Variants in AOPEP observed in about 807,000 individuals in gnomAD.
The protein encoded by AOPEP is aminopeptidase O (putative), also known as aminopeptidase O.
In AOPEP, 77 loss-of-function variants were observed where a neutral mutation model predicts 98.1. That is an observed-to-expected ratio of 0.78 (90% CI 0.65 to 0.95). The LOEUF (loss-of-function observed/expected upper bound fraction) is 0.95. AOPEP is among the 40% of genes least tolerant of loss of function. The probability of loss-of-function intolerance (pLI) is 0.00; values close to 1 mark genes in which losing one functional copy is unlikely to be tolerated. For missense variants in AOPEP, 1,024 were observed against 1,024.7 expected (o/e 1.00, Z 0.01); for synonymous variants, 346 against 365.3 (o/e 0.95, Z 0.60).
chr9:94,966,548 G>A (rs1017156416), intron 9 of AOPEP, among the ~76,000 whole-genome samples: 2 of 152,170 alleles, frequency 1.3e-5, no homozygotes, highest in African/African-American at 4.8e-5. Context: ...GATCTTACTT[G>A]TTACTCATTA....
the AOPEP span, among the ~76,000 whole-genome samples, chr9:95,109,327 A>G: frequency 6.6e-6 from 1 of 152,132 alleles, no homozygotes; most frequent in Non-Finnish European, 1.5e-5. Flanking sequence ...CCATTGTTGT[A>G]TTTATGAACA....
intron 5 of AOPEP, among the ~76,000 whole-genome samples, chr9:94,827,370 G>C (rs77619742): frequency 0.027 from 4,141 of 152,210 alleles, 181 homozygotes; most frequent in African/African-American, 0.094. Context: ...TGAAAATCTT[G>C]GTCTTTGAGC....
At position 94,891,503 on chromosome 9, in the gene AOPEP, T is replaced by C. The variant is rs533247540; in HGVS notation, c.1365-32483T>C. On this transcript the variant is annotated intron_variant, in intron 5 of 16. Coordinates refer to ENST00000375315, the MANE Select transcript of AOPEP (RefSeq NM_001193329.3). ...TCTTTTATCTTGCTTTTCATTTTGATTTTTTTAGCATATTGCATTTTACAG... is the reference window on the plus strand; with the variant it reads ...TCTTTTATCTTGCTTTTCATTTTGACTTTTTTAGCATATTGCATTTTACAG... Among the ~76,000 whole-genome samples the C allele has an allele frequency of 3.9e-5, 6 of 152,296 alleles. No homozygotes were observed. In the East Asian group the frequency reaches 1.2e-3, roughly 29 times the overall value.
At chr9:94,951,490 A>G (rs1048168066) in intron 7 of AOPEP, among the ~76,000 whole-genome samples, 4 of 152,144 alleles carry the variant, frequency 2.6e-5, no homozygotes, top group Non-Finnish European at 4.4e-5. Flanking sequence ...CATAAACAGG[A>G]TGTGGCCTCA....
intron 5 of AOPEP, among the ~76,000 whole-genome samples, chr9:94,868,343 A>ATC (rs1433485082): frequency 6.6e-6 from 1 of 152,136 alleles, no homozygotes; most frequent in Non-Finnish European, 1.5e-5. Context: ...AAATCACTTG[A>ATC]TCTCAAGGAC....
intron 1 of AOPEP, among the ~76,000 whole-genome samples, chr9:94,748,743 C>G (rs1170200627): frequency 1.3e-5 from 2 of 152,128 alleles, no homozygotes; most frequent in Non-Finnish European, 2.9e-5. Flanking sequence ...TTGAAGAGTA[C>G]TGGTTAGGTA....
chr9:94,834,752 C>T (rs538570636), intron 5 of AOPEP, among the ~76,000 whole-genome samples: 2 of 152,238 alleles, frequency 1.3e-5, no homozygotes, highest in African/African-American at 4.8e-5. Context: ...GAGATTGCAC[C>T]ATTGCACTTC....
downstream of AOPEP, among the ~76,000 whole-genome samples, chr9:95,089,305 G>A (rs1034916328): frequency 2.0e-5 from 3 of 152,222 alleles, no homozygotes; most frequent in South Asian, 6.2e-4. Context: ...CAGATCAAAG[G>A]GCGTGTGACA....
intron 9 of AOPEP, among the ~76,000 whole-genome samples, chr9:94,957,877 CTTTT>C (rs113256330): frequency 0.029 from 4,353 of 152,158 alleles, 228 homozygotes; most frequent in African/African-American, 0.1. Flanking sequence ...GTACTTCATT[CTTTT>C]TTATTTTAAT....
chr9:94,870,638 C>G (rs1404539253), intron 5 of AOPEP, among the ~76,000 whole-genome samples: 1 of 152,158 alleles, frequency 6.6e-6, no homozygotes, highest in Non-Finnish European at 1.5e-5. Flanking sequence ...AGTGAGCCAG[C>G]CTTGTCTCAG....
intron 6 of AOPEP, 74 bp downstream of exon 6, chr9:94,924,249 G>A (rs925140002): frequency 6.5e-6 from 8 of 1,234,708 alleles, no homozygotes; most frequent in African/African-American, 6.3e-5. Context: ...TCACCCAACA[G>A]CTATGGACTG....
At chr9:94,997,792 C>T (rs1477775642) in intron 11 of AOPEP, among the ~76,000 whole-genome samples, 1 of 152,180 alleles carries the variant, frequency 6.6e-6, no homozygotes, top group Non-Finnish European at 1.5e-5. Flanking sequence ...CTCCAGGGCT[C>T]AAGCGATACT....
the AOPEP span, chr9:95,101,479 C>T: frequency 1.7e-6 from 1 of 595,710 alleles, no homozygotes; most frequent in African/African-American, 1.8e-5. Flanking sequence ...GTACCGAAGG[C>T]TCACTTGAGT....
At chr9:94,836,827 G>T (rs950948010) in intron 5 of AOPEP, among the ~76,000 whole-genome samples, 1 of 152,150 alleles carries the variant, frequency 6.6e-6, no homozygotes, top group East Asian at 1.9e-4. Flanking sequence ...TGTTACAGTT[G>T]TATGCTTTAT....
At chr9:94,897,292 T>C (rs946922787) in intron 5 of AOPEP, among the ~76,000 whole-genome samples, 15 of 152,298 alleles carry the variant, frequency 9.8e-5, no homozygotes, top group African/African-American at 2.9e-4. Flanking sequence ...CAGATTTTTT[T>C]ATATGATGAA....
At chr9:95,083,641 A>C (rs1260092961) in intron 16 of AOPEP, among the ~76,000 whole-genome samples, 1 of 140,438 alleles carries the variant, frequency 7.1e-6, no homozygotes, top group Admixed American at 7.1e-5. Context: ...CACACACACC[A>C]CACACAGCGC....
rs71366270 is a variant in AOPEP, at chr9:95,011,211, A to AT, written c.2115+5618dup. On this transcript the variant is annotated intron_variant, in intron 13 of 16. Coordinates refer to ENST00000375315, the MANE Select transcript of AOPEP (RefSeq NM_001193329.3). ...TTTTTCCTAATTTCCCTAGCCATTG[A>AT]TTTTTTTTTTTTTTTTTTTTTTTGA... 2.4e-3 allele frequency among the ~76,000 whole-genome samples: 272 copies of AT among 112,770 alleles called. 3 individuals are homozygous for AT. The highest frequency in any genetic ancestry group is 4.2e-3 in the Non-Finnish European group (219 of 52,714). 74.0% of individuals were successfully genotyped at this position (112,770 alleles called of 152,430 possible).
chr9:94,754,541 G>GT (rs1375126481), intron 1 of AOPEP, among the ~76,000 whole-genome samples: 1 of 152,212 alleles, frequency 6.6e-6, no homozygotes, highest in African/African-American at 2.4e-5. Flanking sequence ...GGAGATGTTA[G>GT]TTAAGCAATA....
chr9:95,038,911 A>T (rs2065054612), intron 13 of AOPEP, among the ~76,000 whole-genome samples: 2 of 152,178 alleles, frequency 1.3e-5, no homozygotes, highest in South Asian at 4.1e-4. Flanking sequence ...ATTGGGACTT[A>T]CGGATAACCT....
Sources: allele counts gnomAD v4.1 joint callset (sites outside exome capture counted in the v4.1 genomes callset), GRCh38; gene constraint gnomAD v4.1.1; transcripts MANE v1.5; gene names NCBI Gene and HGNC (gene_info 2026-07-23, HGNC 2026-07-21).